CEP120: variants seen among roughly 807,000 people sequenced by gnomAD.
CEP120 encodes the protein centrosomal protein 120, also known as centrosomal protein of 120 kDa.
In CEP120, 113 loss-of-function variants were observed where a neutral mutation model predicts 126.5. The ratio of observed to expected loss-of-function variants is 0.89; its 90% CI spans 0.77 to 1.04. CEP120 has a LOEUF of 1.04. CEP120 is among the 50% of genes least tolerant of loss of function. The pLI is 0.00. For synonymous variants in CEP120, 400 were observed against 394.3 expected, an observed-to-expected ratio of 1.01 and a Z score of -0.17; for missense variants, 1,230 against 1,155.7, an observed-to-expected ratio of 1.06 and a Z score of -0.93.
chr5:123,382,858 G>A lies in CEP120; in HGVS notation c.1892C>T (p.Ser631Phe), dbSNP rs202022407. 6 of 1,613,328 alleles carry A rather than the reference G, an allele frequency of 3.7e-6. No individual in the cohort carries two copies. The highest frequency in any genetic ancestry group is 5.1e-6 in the Non-Finnish European group (6 of 1,179,650). Residue 631 changes from serine to phenylalanine, a missense_variant, in exon 13 of 20, where the codon TCT (serine) becomes TTT (phenylalanine). Physicochemically the swap from Ser to Phe is radical, Grantham distance 155. Transcript: ENST00000306467. Reference protein sequence around the residue: ...GVSAVQQKPSSLPPAPCPSEI... With the variant: ...GVSAVQQKPSFLPPAPCPSEI... Reference sequence around the variant, plus strand: ...TGAAGGACAAGGTGCTGGAGGAAGAGAAGACGGCTTTTGCTGTACGGCAGA... The same window carrying A: ...TGAAGGACAAGGTGCTGGAGGAAGAAAAGACGGCTTTTGCTGTACGGCAGA...
chr5:123,423,175 T>C lies in CEP120; in HGVS notation c.-177A>G, dbSNP rs890607690. 4.9e-6 allele frequency: 3 copies of C among 613,340 alleles called. 1 individual carries two copies. The South Asian group carries it at 5.7e-5, about 12-fold the overall frequency. The allele number at this position is 613,340 out of a possible 1,614,324, so 38.0% of individuals were successfully genotyped here. A position where few individuals can be genotyped will look rare whatever the true frequency, so the allele number is the denominator to read the frequency against. ...TCTGCTGCAGCGCGCCCGGCTCCTC[T>C]GCCTCGGGCCGCCAGCCCAGATCCT... On this transcript the variant is annotated 5_prime_UTR_variant, in exon 1 of 20. Transcript: ENST00000306467.
intron 19 of CEP120, among the ~76,000 whole-genome samples, chr5:123,349,350 A>T (rs956306195): frequency 1.3e-5 from 2 of 151,338 alleles, no homozygotes; most frequent in Non-Finnish European, 3.0e-5. Flanking sequence ...TTGAAGATTT[A>T]AAAAAAAAGG....
chr5:123,422,414 T>C (rs1774776201), intron 1 of CEP120: 1 of 1,105,410 alleles, frequency 9.0e-7, no homozygotes, highest in Non-Finnish European at 1.3e-6. Context: ...CCCAGCACAG[T>C]GTCTGACACT....
At chr5:123,370,448 A>T (rs1770771655) in intron 17 of CEP120, among the ~76,000 whole-genome samples, 1 of 151,618 alleles carries the variant, frequency 6.6e-6, no homozygotes, top group Non-Finnish European at 1.5e-5. Flanking sequence ...CAAAACATGG[A>T]AGTCTATCAC....
chr5:123,373,403 T>A (rs1211408356), intron 16 of CEP120, among the ~76,000 whole-genome samples: 1 of 151,930 alleles, frequency 6.6e-6, no homozygotes, highest in Non-Finnish European at 1.5e-5. Flanking sequence ...GGAGATCCAG[T>A]TTACTAAAAG....
chr5:123,389,279 A>C (rs1474174408), intron 8 of CEP120, among the ~76,000 whole-genome samples: 1 of 152,220 alleles, frequency 6.6e-6, no homozygotes, highest in East Asian at 1.9e-4. Flanking sequence ...GTTTACTATA[A>C]GAGGCAGTTA....
rs538912023 is a variant in CEP120, at chr5:123,370,742, GTAT to G, written c.2481+1905_2481+1907del. On this transcript the variant is annotated intron_variant, in intron 17 of 19. Coordinates refer to ENST00000306467, the MANE Select transcript of CEP120 (RefSeq NM_001375405.1). ...ATACATACACACATATATAATGTAT[GTAT>G]TATAATATATATTTTATATATATAT... Among the ~76,000 whole-genome samples the G allele has an allele frequency of 1.9e-3, 274 of 146,140 alleles. 1 individual carries two copies. The highest frequency in any genetic ancestry group is 6.6e-3 in the African/African-American group (258 of 39,362).
At chr5:123,420,554 G>A (rs1774650450) in intron 1 of CEP120, among the ~76,000 whole-genome samples, 1 of 152,176 alleles carries the variant, frequency 6.6e-6, no homozygotes, top group Non-Finnish European at 1.5e-5. Flanking sequence ...TAGGCAAGAG[G>A]TCTACCACAA....
intron 4 of CEP120, among the ~76,000 whole-genome samples, chr5:123,406,585 A>AG (rs1262758335): frequency 2.7e-5 from 3 of 109,328 alleles, no homozygotes; most frequent in African/African-American, 7.2e-5. Context: ...TACAATGTTG[A>AG]GAAAAAAAAA....
At chr5:123,348,680 A>T (rs1768996014) in intron 19 of CEP120, among the ~76,000 whole-genome samples, 2 of 152,230 alleles carry the variant, frequency 1.3e-5, no homozygotes, top group African/African-American at 4.8e-5. Context: ...TTTAAATGTA[A>T]TGTGTAGGCT....
chr5:123,397,143 G>C (rs770670464), intron 5 of CEP120, among the ~76,000 whole-genome samples: 2 of 152,094 alleles, frequency 1.3e-5, no homozygotes, highest in Non-Finnish European at 2.9e-5. Context: ...GGCAAATATG[G>C]TGAAACCCCA....
intron 4 of CEP120, among the ~76,000 whole-genome samples, chr5:123,411,364 A>G (rs1433814280): frequency 1.3e-5 from 2 of 152,220 alleles, no homozygotes; most frequent in African/African-American, 2.4e-5. Context: ...TTCTGTCCAC[A>G]TAAGAACCTG....
intron 1 of CEP120, among the ~76,000 whole-genome samples, chr5:123,420,287 G>C (rs1774637836): frequency 6.6e-6 from 1 of 152,206 alleles, no homozygotes; most frequent in Non-Finnish European, 1.5e-5. Context: ...CAGAGGATGT[G>C]AAGGGAACAA....
intron 4 of CEP120, among the ~76,000 whole-genome samples, chr5:123,399,948 T>C (rs1773065274): frequency 6.6e-6 from 1 of 152,108 alleles, no homozygotes; most frequent in African/African-American, 2.4e-5. Flanking sequence ...CAAATTGATT[T>C]AAAAAACAAA....
chr5:123,398,026 G>T (rs900478108), intron 5 of CEP120, among the ~76,000 whole-genome samples: 4 of 152,228 alleles, frequency 2.6e-5, no homozygotes, highest in African/African-American at 9.6e-5. Flanking sequence ...TGAGGCTACA[G>T]TGAGCTATGA....
At position 123,423,278 on chromosome 5, in the gene CEP120, G is replaced by C. The variant is rs898872080; in HGVS notation, c.-280C>G. 1 of 468,710 alleles carries C rather than the reference G, an allele frequency of 2.1e-6. No homozygotes were observed. Among genetic ancestry groups the C allele is most frequent in the South Asian group, 3.0e-5 (1 of 32,930 alleles). The allele number at this position is 468,710 out of a possible 1,614,324, so 29.0% of individuals were successfully genotyped here. On this transcript the variant is annotated 5_prime_UTR_variant, in exon 1 of 20. Coordinates refer to ENST00000306467, the MANE Select transcript of CEP120 (RefSeq NM_001375405.1). The stretch of plus-strand genomic sequence containing the variant: ...AGCAGAGACAAGCCCGCCACCCGAG[G>C]ACCTTTTGCCGCCTGCGTAGCCGCT...
At chr5:123,380,118 C>G (rs150644604) in intron 14 of CEP120, among the ~76,000 whole-genome samples, 2 of 152,018 alleles carry the variant, frequency 1.3e-5, no homozygotes, top group Non-Finnish European at 2.9e-5. Context: ...GGTAAATAAA[C>G]GAAAAGGCTC....
At chr5:123,412,295 C>G in intron 4 of CEP120, 104 bp downstream of exon 4, 1 of 1,000,522 alleles carries the variant, frequency 1.0e-6, no homozygotes, top group Non-Finnish European at 1.4e-6. Context: ...GTCTGATGAA[C>G]AGTTTACACC....
At chr5:123,367,799 A>G (rs749771726) in intron 17 of CEP120, among the ~76,000 whole-genome samples, 2 of 151,948 alleles carry the variant, frequency 1.3e-5, no homozygotes, top group Non-Finnish European at 1.5e-5. Context: ...TGCATATTAC[A>G]CTGAAAAGAA....
Sources: allele counts gnomAD v4.1 joint callset (sites outside exome capture counted in the v4.1 genomes callset), GRCh38; gene constraint gnomAD v4.1.1; transcripts MANE v1.5; gene names NCBI Gene and HGNC (gene_info 2026-07-23, HGNC 2026-07-21).